TMEM163: variants seen among roughly 807,000 people sequenced by gnomAD.
The protein encoded by TMEM163 is transmembrane protein 163.
Under a neutral mutation model 29.3 loss-of-function variants are expected in TMEM163, and 17 were observed. The observed-to-expected ratio is 0.58, with a 90% confidence interval of 0.40 to 0.87. The LOEUF (loss-of-function observed/expected upper bound fraction) is 0.87. Among genes scored for constraint, TMEM163 ranks in the 40% least tolerant of loss-of-function variants. The pLI, the probability that TMEM163 is intolerant of heterozygous loss-of-function variation, is 0.00. For missense variants in TMEM163, 303 were observed against 381.5 expected (o/e 0.79, Z 1.71); for synonymous variants, 157 against 160.6 (o/e 0.98, Z 0.17).
At position 134,696,856 on chromosome 2, in the gene TMEM163, A is replaced by C. The variant is rs181215795; in HGVS notation, c.322+16344T>G. Among the ~76,000 whole-genome samples the C allele has an allele frequency of 2.8e-3, 422 of 152,154 alleles. 2 individuals carry two copies. The highest frequency in any genetic ancestry group is 9.7e-3 in the African/African-American group (402 of 41,510). ...AGTGGCATGATCTCAGCTTACTGCAACCTCCACCTCCCAGGTTCAAGCGAT... is the reference window on the plus strand; with the variant it reads ...AGTGGCATGATCTCAGCTTACTGCACCCTCCACCTCCCAGGTTCAAGCGAT... On this transcript the variant is annotated intron_variant, in intron 2 of 7. Coordinates refer to ENST00000281924, the MANE Select transcript of TMEM163 (RefSeq NM_030923.5).
rs6761055 is a variant in TMEM163 at position 134,665,192 on chromosome 2, T to A, written c.322+48008A>T. Reference sequence around the variant, plus strand: ...TATTAGTCTGTTCCCACACTGCTAATAAAGACATACCCAGGACTGGGTAAT... The same window carrying A: ...TATTAGTCTGTTCCCACACTGCTAAAAAAGACATACCCAGGACTGGGTAAT... On this transcript the variant is annotated intron_variant, in intron 2 of 7. Transcript: ENST00000281924. 5.0e-3 allele frequency among the ~76,000 whole-genome samples: 756 copies of A among 152,278 alleles called. 9 individuals are homozygous for A. Among genetic ancestry groups the A allele is most frequent in the African/African-American group, 0.017 (724 of 41,560 alleles).
At chr2:134,496,668 A>C (rs1380983748) in intron 5 of TMEM163, among the ~76,000 whole-genome samples, 1 of 152,198 alleles carries the variant, frequency 6.6e-6, no homozygotes, top group East Asian at 1.9e-4. Context: ...GTTCTAGTGA[A>C]TGGGAAGGAA....
At chr2:134,528,416 C>T (rs1428131847) in intron 4 of TMEM163, among the ~76,000 whole-genome samples, 1 of 152,182 alleles carries the variant, frequency 6.6e-6, no homozygotes, top group Non-Finnish European at 1.5e-5. Flanking sequence ...CTTCCCTAAC[C>T]TAGTAAACCA....
At chr2:134,504,936 A>G (rs976904731) in intron 4 of TMEM163, among the ~76,000 whole-genome samples, 5 of 152,134 alleles carry the variant, frequency 3.3e-5, no homozygotes, top group Non-Finnish European at 5.9e-5. Context: ...GGGCTTGGGA[A>G]TCATCACTCC....
At chr2:134,614,655 A>G (rs933280076) in intron 2 of TMEM163, among the ~76,000 whole-genome samples, 3 of 152,158 alleles carry the variant, frequency 2.0e-5, no homozygotes, top group Non-Finnish European at 4.4e-5. Context: ...GGAGTTTGAG[A>G]CCAGCCTGGC....
At chr2:134,634,668 TCCA>T (rs1683065061) in intron 2 of TMEM163, among the ~76,000 whole-genome samples, 1 of 152,170 alleles carries the variant, frequency 6.6e-6, no homozygotes, top group African/African-American at 2.4e-5. Flanking sequence ...ATGACAGGGA[TCCA>T]CCAACTCTTT....
chr2:134,670,172 C>T (rs548266578), intron 2 of TMEM163, among the ~76,000 whole-genome samples: 1 of 152,288 alleles, frequency 6.6e-6, no homozygotes, highest in Non-Finnish European at 1.5e-5. Context: ...CAATTTACCT[C>T]CTCCAGGGTA....
intron 2 of TMEM163, among the ~76,000 whole-genome samples, chr2:134,637,105 C>T (rs910181800): frequency 1.3e-5 from 2 of 152,232 alleles, no homozygotes; most frequent in Non-Finnish European, 2.9e-5. Context: ...GTTCCTCTGT[C>T]TTGACAAATT....
At chr2:134,662,095 C>G (rs1349067408) in intron 2 of TMEM163, among the ~76,000 whole-genome samples, 1 of 151,870 alleles carries the variant, frequency 6.6e-6, no homozygotes, top group Non-Finnish European at 1.5e-5. Flanking sequence ...GCCACCACAC[C>G]TGGTTAATTT....
intron 4 of TMEM163, among the ~76,000 whole-genome samples, chr2:134,542,805 A>G (rs1680704348): frequency 1.3e-5 from 2 of 152,214 alleles, no homozygotes; most frequent in African/African-American, 4.8e-5. Flanking sequence ...CACCCTCCCT[A>G]TTAAACTTAC....
intron 4 of TMEM163, among the ~76,000 whole-genome samples, chr2:134,538,518 G>A (rs189906065): frequency 4.2e-4 from 64 of 152,308 alleles, no homozygotes; most frequent in African/African-American, 1.5e-3. Context: ...GAGGGACATA[G>A]CAGCATCCTT....
Position 134,660,588 on chromosome 2 carries a change from C to T in TMEM163, c.322+52612G>A, listed in dbSNP as rs562422869. Among the ~76,000 whole-genome samples the T allele has an allele frequency of 9.2e-5, 14 of 152,254 alleles. No individual in the cohort carries two copies. In the South Asian group the frequency reaches 2.7e-3, roughly 29 times the overall value. ...TCAGCAGTGCATGCTTTAAGGTGTC[C>T]CCCTGTAGGAGGTACAGATTTGCCT... On this transcript the variant is annotated intron_variant, in intron 2 of 7. Transcript: ENST00000281924.
At chr2:134,696,572 G>A (rs1684586869) in intron 2 of TMEM163, among the ~76,000 whole-genome samples, 1 of 152,044 alleles carries the variant, frequency 6.6e-6, no homozygotes, top group African/African-American at 2.4e-5. Context: ...CATTTTAATA[G>A]CATTTTATAA....
chr2:134,694,632 T>C (rs1265282316), intron 2 of TMEM163, among the ~76,000 whole-genome samples: 2 of 152,244 alleles, frequency 1.3e-5, no homozygotes, highest in African/African-American at 2.4e-5. Flanking sequence ...AGGAGACTGG[T>C]ACATCAATTA....
At chr2:134,671,978 A>G (rs900970769) in intron 2 of TMEM163, among the ~76,000 whole-genome samples, 3 of 152,356 alleles carry the variant, frequency 2.0e-5, no homozygotes, top group Admixed American at 2.0e-4. Flanking sequence ...GAATGTTCAT[A>G]TATGTTATCT....
intron 4 of TMEM163, among the ~76,000 whole-genome samples, chr2:134,532,242 T>C (rs1680432599): frequency 6.6e-6 from 1 of 152,210 alleles, no homozygotes; most frequent in Admixed American, 6.5e-5. Flanking sequence ...CTGGCCCAGC[T>C]ATTAAAGCTG....
chr2:134,557,766 G>A (rs1681080284), intron 2 of TMEM163, among the ~76,000 whole-genome samples: 1 of 152,170 alleles, frequency 6.6e-6, no homozygotes, highest in Non-Finnish European at 1.5e-5. Flanking sequence ...AACAGAGAGA[G>A]GACTCAAAGT....
chr2:134,527,332 A>G (rs1008407574), intron 4 of TMEM163, among the ~76,000 whole-genome samples: 3 of 152,238 alleles, frequency 2.0e-5, no homozygotes, highest in Non-Finnish European at 4.4e-5. Context: ...AGAGAGAGAG[A>G]GGAAGGAAGG....
chr2:134,679,709 C>A (rs1684188881), intron 2 of TMEM163, among the ~76,000 whole-genome samples: 1 of 152,174 alleles, frequency 6.6e-6, no homozygotes, highest in Non-Finnish European at 1.5e-5. Context: ...CTACAAATGA[C>A]CAAAGAGACG....
Sources: gnomAD v4.1 joint callset for allele counts (sites outside exome capture counted in the v4.1 genomes callset) on GRCh38, gnomAD v4.1.1 for gene constraint, MANE v1.5 for transcripts, NCBI Gene and HGNC (gene_info 2026-07-23, HGNC 2026-07-21) for gene names.